TSPAN31: variants seen among roughly 807,000 people sequenced by gnomAD.
TSPAN31 encodes the protein tetraspanin 31.
Under a neutral mutation model 24.8 loss-of-function variants are expected in TSPAN31, and 16 were observed. The observed-to-expected ratio is 0.64, with a 90% confidence interval of 0.44 to 0.98. The LOEUF (loss-of-function observed/expected upper bound fraction) is 0.98. Among genes scored for constraint, TSPAN31 ranks in the 50% least tolerant of loss-of-function variants. TSPAN31 has a pLI of 0.00. For synonymous variants in TSPAN31, 87 were observed against 91.4 expected (o/e 0.95, Z 0.27); for missense variants, 209 against 251.6 (o/e 0.83, Z 1.15).
chr12:57,748,574 C>G lies in TSPAN31; in HGVS notation c.*1284C>G, dbSNP rs761577371. ...ATGTAGATAAGAGTGCTGCAGAGCT[C>G]GAAAGGCAGAGATTCGCTTGTGTGG... On this transcript the variant is annotated 3_prime_UTR_variant, in exon 6 of 6. Coordinates refer to ENST00000257910, the MANE Select transcript of TSPAN31 (RefSeq NM_005981.5). 2 of 1,613,910 alleles carry G rather than the reference C, an allele frequency of 1.2e-6. No homozygotes were observed. Among genetic ancestry groups the G allele is most frequent in the Non-Finnish European group, 1.7e-6 (2 of 1,179,886 alleles).
rs876660404 is a variant in TSPAN31, at chr12:57,748,536, T to G, written c.*1246T>G. ...AGCCACTCCATTGCTCACTCCGGATTACCTTCATCCTTATGTAGATAAGAG... is the reference window on the plus strand; with the variant it reads ...AGCCACTCCATTGCTCACTCCGGATGACCTTCATCCTTATGTAGATAAGAG... On this transcript the variant is annotated 3_prime_UTR_variant, in exon 6 of 6. Coordinates refer to ENST00000257910, the MANE Select transcript of TSPAN31 (RefSeq NM_005981.5). 1 of 1,612,154 alleles carries G rather than the reference T, an allele frequency of 6.2e-7. No homozygotes were observed. The highest frequency in any genetic ancestry group is 8.5e-7 in the Non-Finnish European group (1 of 1,178,310).
At position 57,747,291 on chromosome 12, in the gene TSPAN31, G is replaced by C. The variant is rs1490562108; in HGVS notation, c.*1G>C. On this transcript the variant is annotated 3_prime_UTR_variant, in exon 6 of 6. Coordinates refer to ENST00000257910, the MANE Select transcript of TSPAN31 (RefSeq NM_005981.5). ...AGCCAACCCCAGTGCCTTTCTATGAGACTTTGGATCCTTCTGACTTTTCTT... is the reference window on the plus strand; with the variant it reads ...AGCCAACCCCAGTGCCTTTCTATGACACTTTGGATCCTTCTGACTTTTCTT... The C allele has an allele frequency of 6.2e-7, 1 of 1,613,916 alleles. No individual in the cohort carries two copies. Among genetic ancestry groups the C allele is most frequent in the Non-Finnish European group, 8.5e-7 (1 of 1,179,860 alleles).
chr12:57,749,296 C>T lies in TSPAN31; in HGVS notation c.*2006C>T, dbSNP rs374223296. 4.3e-6 allele frequency: 7 copies of T among 1,614,080 alleles called. No individual in the cohort carries two copies. In the Middle Eastern group the frequency reaches 4.9e-4, roughly 114 times the overall value. ...GGGATACATCTCGAGGCCAGTCATC[C>T]TCTGGAGGCAGCCCAATCAGGCTGT... On this transcript the variant is annotated 3_prime_UTR_variant, in exon 6 of 6. Transcript: ENST00000257910.
Position 57,749,101 on chromosome 12 carries a change from A to G in TSPAN31, c.*1811A>G, listed in dbSNP as rs1393988991. 1 of 1,553,808 alleles carries G rather than the reference A, an allele frequency of 6.4e-7. No homozygotes were observed. The highest frequency in any genetic ancestry group is 1.4e-5 in the African/African-American group (1 of 73,720). ...CTACCAACCAAGTTTCATTAACCAC[A>G]GTGGCCAGGGCCCTGCATACTGCTC... On this transcript the variant is annotated 3_prime_UTR_variant, in exon 6 of 6. Transcript: ENST00000257910.
At chr12:57,746,082 G>A in intron 2 of TSPAN31, 94 bp from the exon 3 acceptor site, 1 of 1,428,368 alleles carries the variant, frequency 7.0e-7, no homozygotes. Flanking sequence ...ATTTGACATG[G>A]TGGTGTAAGT....
chr12:57,745,316 G>A (rs887751991), intron 1 of TSPAN31, 99 bp downstream of exon 1: 30 of 1,346,674 alleles, frequency 2.2e-5, no homozygotes, highest in Non-Finnish European at 2.8e-5. Flanking sequence ...TGGGGGTTCC[G>A]GGAAGATTCC....
chr12:57,746,404 T>C, intron 3 of TSPAN31, 148 bp downstream of exon 3: 1 of 1,117,488 alleles, frequency 8.9e-7, no homozygotes, highest in South Asian at 1.3e-5. Context: ...TCCTCTGGGA[T>C]GTCTGGTTAA....
rs767224196 is a variant in TSPAN31 at position 57,745,830 on chromosome 12, T to C, written c.149T>C (p.Ile50Thr). 4.3e-6 allele frequency: 7 copies of C among 1,614,096 alleles called. No individual in the cohort carries two copies. The highest frequency in any genetic ancestry group is 2.2e-5 in the East Asian group (1 of 44,884). The change falls in exon 2 of 6, where the codon ATT becomes ACT. Residue 50 changes from isoleucine to threonine, a missense_variant. By Grantham distance (89) the Ile-to-Thr change is moderately conservative. Coordinates refer to ENST00000257910, the MANE Select transcript of TSPAN31 (RefSeq NM_005981.5). ...AGCATCCACATCATCGGCGGAGTCA[T>C]TGCTGTGGGAGTCTTCCTTCTCCTT... is the stretch of plus-strand genomic sequence containing the variant. ...VSSIHIIGGV[I>T]AVGVFLLLIA...
At chr12:57,746,343 C>A in intron 3 of TSPAN31, 87 bp downstream of exon 3, 1 of 1,324,720 alleles carries the variant, frequency 7.5e-7, no homozygotes, top group Non-Finnish European at 1.1e-6. Flanking sequence ...GCCCCAACTA[C>A]CCAAAGATCA....
intron 3 of TSPAN31, 29 bp from the exon 4 acceptor site, chr12:57,746,560 C>A (rs767904474): frequency 1.2e-6 from 2 of 1,613,748 alleles, no homozygotes; most frequent in Admixed American, 3.3e-5. Context: ...TGTAGGGAGA[C>A]TTAATTTCCC....
In TSPAN31 at chr12:57,746,613, TG is replaced by T; in HGVS notation, c.340del (p.Val114SerfsTer2). The stretch of plus-strand genomic sequence containing the variant: ...GACAGATGTCATCAATGCTTCTTGG[TG>T]GGTCATGAGCAACAAGACTCGGGAT... Reference protein sequence around the residue: ...KQTDVINASWWVMSNKTRDEL... With the variant: ...KQTDVINASWXVMSNKTRDEL... On this transcript the variant is annotated frameshift_variant, in exon 4 of 6. Coordinates refer to ENST00000257910, the MANE Select transcript of TSPAN31 (RefSeq NM_005981.5). LOFTEE classifies it high-confidence loss of function. The T allele has an allele frequency of 6.2e-7, 1 of 1,614,212 alleles. No individual in the cohort carries two copies. The highest frequency in any genetic ancestry group is 1.7e-5 in the Admixed American group (1 of 60,030).
At chr12:57,746,553 A>G (rs367902234) in intron 3 of TSPAN31, 36 bp from the exon 4 acceptor site, 1 of 1,613,520 alleles carries the variant, frequency 6.2e-7, no homozygotes, top group Non-Finnish European at 8.5e-7. Context: ...AACAGGATGT[A>G]GGGAGACTTA....
chr12:57,745,696 T>C, intron 1 of TSPAN31, 49 bp from the exon 2 acceptor site: 1 of 1,610,790 alleles, frequency 6.2e-7, no homozygotes, highest in Non-Finnish European at 8.5e-7. Flanking sequence ...GGCCTTGGGC[T>C]GTGCCGCATG....
Position 57,749,433 on chromosome 12 carries a change from T to A in TSPAN31, c.*2143T>A, listed in dbSNP as rs2140383696. 1 of 1,614,004 alleles carries A rather than the reference T, an allele frequency of 6.2e-7. No individual in the cohort carries two copies. The highest frequency in any genetic ancestry group is 8.5e-7 in the Non-Finnish European group (1 of 1,179,884). ...GAGGACTCAGAATAGAAAATCTTTT[T>A]CTCCCATGTTGGTCACTTACTCAAA... On this transcript the variant is annotated 3_prime_UTR_variant, in exon 6 of 6. Transcript: ENST00000257910.
rs927343653 is a variant in TSPAN31, at chr12:57,746,096, A to C, written c.232-80A>C. On this transcript the variant is annotated intron_variant, in intron 2 of 5. Transcript: ENST00000257910. ...AATTTGACATGGTGGTGTAAGTTCT[A>C]TGAACAGATGAGACCAGACAGTTAT... 4 of 1,467,022 alleles carry C rather than the reference A, an allele frequency of 2.7e-6. No individual in the cohort carries two copies. In the African/African-American group the frequency reaches 4.2e-5, roughly 15 times the overall value. 90.9% of individuals were successfully genotyped at this position (1,467,022 alleles called of 1,614,324 possible).
chr12:57,746,061 T>C, intron 2 of TSPAN31, 115 bp from the exon 3 acceptor site: 1 of 1,440,206 alleles, frequency 6.9e-7, no homozygotes, highest in Non-Finnish European at 9.6e-7. Context: ...GAGCTGATTT[T>C]ATTGCTTTCA....
chr12:57,745,566 C>T, intron 1 of TSPAN31, 179 bp from the exon 2 acceptor site: 1 of 731,458 alleles, frequency 1.4e-6, no homozygotes, highest in Non-Finnish European at 2.2e-6. Flanking sequence ...CCATCCTAGC[C>T]ATTCTAACCT....
Position 57,748,621 on chromosome 12 carries a change from A to G in TSPAN31, c.*1331A>G, listed in dbSNP as rs750073768. ...GTGGGTTAAAAGTCAGCATTTCCTGAGGGGAGAGGCAAAGGTCAGAAAACC... is the reference window on the plus strand; with the variant it reads ...GTGGGTTAAAAGTCAGCATTTCCTGGGGGGAGAGGCAAAGGTCAGAAAACC... On this transcript the variant is annotated 3_prime_UTR_variant, in exon 6 of 6. Transcript: ENST00000257910. 17 of 1,607,526 alleles carry G rather than the reference A, an allele frequency of 1.1e-5. No homozygotes were observed. In the South Asian group the frequency reaches 1.9e-4, roughly 18 times the overall value.
At position 57,749,114 on chromosome 12, in the gene TSPAN31, C is replaced by T. The variant is rs1013477812; in HGVS notation, c.*1824C>T. 2 of 1,596,508 alleles carry T rather than the reference C, an allele frequency of 1.3e-6. No homozygotes were observed. Among genetic ancestry groups the T allele is most frequent in the Non-Finnish European group, 1.7e-6 (2 of 1,163,954 alleles). ...TTCATTAACCACAGTGGCCAGGGCCCTGCATACTGCTCTATTTCTTTCCCC... is the reference window on the plus strand; with the variant it reads ...TTCATTAACCACAGTGGCCAGGGCCTTGCATACTGCTCTATTTCTTTCCCC... On this transcript the variant is annotated 3_prime_UTR_variant, in exon 6 of 6. Transcript: ENST00000257910.
Sources: gnomAD v4.1 joint callset for allele counts on GRCh38, gnomAD v4.1.1 for gene constraint, MANE v1.5 for transcripts, NCBI Gene and HGNC (gene_info 2026-07-23, HGNC 2026-07-21) for gene names.